The following PTPRD variants were observed in gnomAD, a reference collection of about 807,000 sequenced individuals.
PTPRD encodes receptor-type tyrosine-protein phosphatase delta.
In PTPRD, 34 loss-of-function variants were observed where a neutral mutation model predicts 214.5. That is an observed-to-expected ratio of 0.16 (90% CI 0.12 to 0.21). PTPRD has a LOEUF of 0.21. Ranked by LOEUF, PTPRD falls within the 10% of genes least tolerant of loss-of-function variation. The pLI, the probability that PTPRD is intolerant of heterozygous loss-of-function variation, is 1.00. For missense variants in PTPRD, 2,545 were observed against 2,398.7 expected (o/e 1.06, Z -1.27); for synonymous variants, 1,128 against 845.7 (o/e 1.33, Z -5.79).
At chr9:10,371,421 C>T (rs2097615332) in intron 2 of PTPRD, among the ~76,000 whole-genome samples, 1 of 151,994 alleles carries the variant, frequency 6.6e-6, no homozygotes. Context: ...TTACATCTTA[C>T]TTTTCAAATT....
At chr9:10,138,335 C>G (rs953365501) in intron 3 of PTPRD, among the ~76,000 whole-genome samples, 2 of 151,796 alleles carry the variant, frequency 1.3e-5, no homozygotes, top group Non-Finnish European at 2.9e-5. Context: ...AAGATTGAAC[C>G]ATGAAAAAAT....
intron 3 of PTPRD, among the ~76,000 whole-genome samples, chr9:10,135,917 G>C (rs2098939483): frequency 6.7e-6 from 1 of 149,274 alleles, no homozygotes. Flanking sequence ...AACCTGACTT[G>C]AAAAGCACAG....
chr9:9,092,650 A>G lies in PTPRD; in HGVS notation c.-142-73915T>C, dbSNP rs112731585. The stretch of plus-strand genomic sequence containing the variant: ...GAAAATATGACTTGAAAATTTGTCT[A>G]TTTAGGACAAATCCACAGTTGACTG... On this transcript the variant is annotated intron_variant, in intron 10 of 45. Transcript: ENST00000381196. Among the ~76,000 whole-genome samples, 1,084 of 152,220 alleles carry G rather than the reference A, an allele frequency of 7.1e-3. 13 individuals are homozygous for G. Among genetic ancestry groups the G allele is most frequent in the African/African-American group, 0.025 (1,026 of 41,584 alleles).
rs184947810 is a variant in PTPRD at position 8,316,802 on chromosome 9, G to T, written c.*1072C>A. 5.2e-5 allele frequency: 12 copies of T among 231,058 alleles called. No homozygotes were observed. Among genetic ancestry groups the T allele is most frequent in the Middle Eastern group, 1.3e-3 (1 of 770 alleles). The allele number at this position is 231,058 out of a possible 1,614,324, so 14.3% of individuals were successfully genotyped here. On this transcript the variant is annotated 3_prime_UTR_variant, in exon 46 of 46. Transcript: ENST00000381196. ...TGTGCATTCCTCATTTCCCTTTAAA[G>T]AAATACCAATATGTCAAAAAATTAA...
chr9:9,414,313 T>C (rs974950162), intron 8 of PTPRD, among the ~76,000 whole-genome samples: 20 of 152,230 alleles, frequency 1.3e-4, no homozygotes, highest in African/African-American at 4.6e-4. Flanking sequence ...TTCTTTCTTT[T>C]CCTTCATAAA....
chr9:8,979,742 T>C (rs1312413625), intron 11 of PTPRD, among the ~76,000 whole-genome samples: 1 of 152,052 alleles, frequency 6.6e-6, no homozygotes, highest in Non-Finnish European at 1.5e-5. Flanking sequence ...AGATAACAAA[T>C]GTTGGTGACT....
intron 35 of PTPRD, among the ~76,000 whole-genome samples, chr9:8,423,757 C>A (rs2094500253): frequency 1.3e-5 from 2 of 152,058 alleles, no homozygotes; most frequent in Non-Finnish European, 1.5e-5. Context: ...CAAGTCAATA[C>A]CAACTATCCC....
intron 11 of PTPRD, among the ~76,000 whole-genome samples, chr9:8,840,184 T>C (rs1284352034): frequency 6.6e-6 from 1 of 152,198 alleles, no homozygotes; most frequent in Non-Finnish European, 1.5e-5. Context: ...TGGTTTAAAT[T>C]TGATATGGTT....
chr9:8,374,055 C>T (rs955864615), intron 39 of PTPRD, among the ~76,000 whole-genome samples: 5 of 150,892 alleles, frequency 3.3e-5, no homozygotes, highest in Non-Finnish European at 7.4e-5. Context: ...TGAAAACTCC[C>T]AAATTATGTG....
In PTPRD at chr9:10,182,304, T is replaced by C. The variant is rs189037284; in HGVS notation, c.-544-148514A>G. ...AGAAAAGAAAAAAGAAAGGAATGCATTTACTGCATCAAAATGATAGATTTT... is the reference window on the plus strand; with the variant it reads ...AGAAAAGAAAAAAGAAAGGAATGCACTTACTGCATCAAAATGATAGATTTT... On this transcript the variant is annotated intron_variant, in intron 3 of 45. Transcript: ENST00000381196. Among the ~76,000 whole-genome samples the C allele has an allele frequency of 9.5e-4, 134 of 140,720 alleles. 1 individual carries two copies. Among genetic ancestry groups the C allele is most frequent in the African/African-American group, 3.6e-3 (129 of 35,358 alleles). The allele number at this position is 140,720 out of a possible 152,430, so 92.3% of individuals were successfully genotyped here.
chr9:8,565,351 A>G (rs1047109274), intron 14 of PTPRD, among the ~76,000 whole-genome samples: 3 of 152,198 alleles, frequency 2.0e-5, no homozygotes, highest in Non-Finnish European at 4.4e-5. Context: ...TTCATGTGAG[A>G]ACCATATTTG....
chr9:8,772,844 T>C (rs770013158), intron 11 of PTPRD, among the ~76,000 whole-genome samples: 2 of 152,118 alleles, frequency 1.3e-5, no homozygotes, highest in Non-Finnish European at 2.9e-5. Context: ...GTGCTAGATA[T>C]TTTTGTGTCC....
intron 5 of PTPRD, among the ~76,000 whole-genome samples, chr9:9,797,442 G>A (rs1413966240): frequency 1.3e-5 from 2 of 151,510 alleles, no homozygotes; most frequent in African/African-American, 4.8e-5. Context: ...AGAAGGTTCT[G>A]GAAAATAAGG....
At chr9:10,023,117 A>C (rs1365860701) in intron 4 of PTPRD, among the ~76,000 whole-genome samples, 3 of 152,210 alleles carry the variant, frequency 2.0e-5, no homozygotes, top group African/African-American at 7.2e-5. Context: ...CACATTGATT[A>C]TAAGCAAAAC....
chr9:9,011,638 G>T (rs907220175), intron 11 of PTPRD, among the ~76,000 whole-genome samples: 4 of 152,150 alleles, frequency 2.6e-5, no homozygotes, highest in African/African-American at 7.2e-5. Context: ...AATGCCCATT[G>T]TACTTCAGTG....
chr9:8,751,850 T>G (rs754946981), intron 11 of PTPRD, among the ~76,000 whole-genome samples: 3 of 152,230 alleles, frequency 2.0e-5, no homozygotes, highest in African/African-American at 7.2e-5. Flanking sequence ...GTTTGTTATA[T>G]GGAGGGTGTA....
At chr9:8,939,797 C>G (rs1215555459) in intron 11 of PTPRD, among the ~76,000 whole-genome samples, 1 of 152,038 alleles carries the variant, frequency 6.6e-6, no homozygotes, top group Admixed American at 6.6e-5. Context: ...GTAATAAATA[C>G]TGATGATAAT....
At chr9:8,790,685 T>G (rs2154507158) in intron 11 of PTPRD, among the ~76,000 whole-genome samples, 1 of 152,260 alleles carries the variant, frequency 6.6e-6, no homozygotes, top group South Asian at 2.1e-4. Flanking sequence ...AAAACATTTT[T>G]TAGTGTGGAT....
intron 11 of PTPRD, among the ~76,000 whole-genome samples, chr9:8,957,131 T>G (rs533879209): frequency 2.0e-5 from 3 of 152,002 alleles, no homozygotes; most frequent in Non-Finnish European, 4.4e-5. Context: ...ACTATGACAA[T>G]AGATGAATCT....
Sources: gnomAD v4.1 joint callset for allele counts (sites outside exome capture counted in the v4.1 genomes callset) on GRCh38, gnomAD v4.1.1 for gene constraint, MANE v1.5 for transcripts, NCBI Gene and HGNC (gene_info 2026-07-23, HGNC 2026-07-21) for gene names.